Variants in HRH2 observed in about 807,000 individuals in gnomAD.
HRH2 encodes histamine H2 receptor.
In HRH2, 4 loss-of-function variants were observed where a neutral mutation model predicts 20.1. That is an observed-to-expected ratio of 0.20 (90% CI 0.10 to 0.45). The LOEUF (loss-of-function observed/expected upper bound fraction) is 0.45, where lower values mean the gene tolerates loss of function less well. Among genes scored for constraint, HRH2 ranks in the 20% least tolerant of loss-of-function variants. HRH2 has a pLI of 0.99. For synonymous variants in HRH2, 197 were observed against 200.7 expected (o/e 0.98, Z 0.16); for missense variants, 250 against 461.6 (o/e 0.54, Z 4.20).
At chr5:175,699,115 C>T (rs1756710060) in intron 2 of HRH2, among the ~76,000 whole-genome samples, 1 of 152,066 alleles carries the variant, frequency 6.6e-6, no homozygotes, top group Admixed American at 6.6e-5. Flanking sequence ...GGGAGAAGGC[C>T]GTGAGAAAAG....
At position 175,683,626 on chromosome 5, in the gene HRH2, C is replaced by A. The variant is rs759105611; in HGVS notation, c.393C>A (p.Thr131=). 2.4e-5 allele frequency: 38 copies of A among 1,614,190 alleles called. No homozygotes were observed. In the South Asian group the frequency reaches 4.0e-4, roughly 17 times the overall value. The change falls in exon 2 of 3, where the codon ACC becomes ACA. Residue 131 remains threonine, a synonymous_variant. Transcript: ENST00000636584. ...CACTGCGGTACCCTGTGCTGGTCAC[C>A]CCAGTTCGGGTCGCCATCTCTCTGG... ...MDPLRYPVLV[T]PVRVAISLVL...
At chr5:175,684,541 G>A (rs975308535) in intron 2 of HRH2, among the ~76,000 whole-genome samples, 4 of 152,244 alleles carry the variant, frequency 2.6e-5, no homozygotes, top group South Asian at 2.1e-4. Context: ...GGCAAGGGCC[G>A]CACAGCTGGG....
chr5:175,664,103 A>C (rs1762819154), intron 1 of HRH2, among the ~76,000 whole-genome samples: 2 of 152,212 alleles, frequency 1.3e-5, no homozygotes. Flanking sequence ...GACAGTCTGC[A>C]GGAGCGTGTG....
rs146208955 is a variant in HRH2, at chr5:175,677,158, C to T, written c.-525-5551C>T. ...TACAGGCGTGCACAACTATGCCCAG[C>T]TAATTTTTAAACTTTTTGTAGATAT... On this transcript the variant is annotated intron_variant, in intron 1 of 2. Coordinates refer to ENST00000636584, the MANE Select transcript of HRH2 (RefSeq NM_001367711.1). The surrounding 1 kb of genome is among the most constrained non-coding windows in gnomAD (Gnocchi z 4.2). 7.7e-3 allele frequency among the ~76,000 whole-genome samples: 1,168 copies of T among 152,192 alleles called. 16 individuals carry two copies. The highest frequency in any genetic ancestry group is 0.027 in the African/African-American group (1,111 of 41,500).
intron 2 of HRH2, among the ~76,000 whole-genome samples, chr5:175,691,559 G>T (rs1245435661): frequency 6.6e-6 from 1 of 152,136 alleles, no homozygotes; most frequent in African/African-American, 2.4e-5. Flanking sequence ...ATGACTTTGG[G>T]GCCACTGCTA....
intron 2 of HRH2, chr5:175,685,648 TC>T: frequency 1.5e-6 from 1 of 650,910 alleles, no homozygotes; most frequent in Non-Finnish European, 2.8e-6. Flanking sequence ...AGCAAGTTCC[TC>T]CCCATCTCAG....
Position 175,677,969 on chromosome 5 carries a change from TTC to T in HRH2, c.-525-4734_-525-4733del, listed in dbSNP as rs1188197508. 7.9e-5 allele frequency among the ~76,000 whole-genome samples: 12 copies of T among 152,238 alleles called. No individual in the cohort carries two copies. The highest frequency in any genetic ancestry group is 7.8e-4 in the Admixed American group (12 of 15,294). ...CTCCTCCAAACGTTCACCGTGGCTG[TTC>T]TCTCTGGAATCAGCTGGTCCCATGT... is the stretch of plus-strand genomic sequence containing the variant. On this transcript the variant is annotated intron_variant, in intron 1 of 2. Coordinates refer to ENST00000636584, the MANE Select transcript of HRH2 (RefSeq NM_001367711.1). The surrounding 1 kb of genome is among the most constrained non-coding windows in gnomAD (Gnocchi z 4.2).
intron 2 of HRH2, among the ~76,000 whole-genome samples, chr5:175,705,230 C>G (rs759075688): frequency 8.6e-5 from 13 of 152,038 alleles, no homozygotes; most frequent in Non-Finnish European, 1.5e-4. Context: ...CAGGAATAGC[C>G]AAGTCTTTTC....
At chr5:175,706,888 G>C (rs557138520) in intron 2 of HRH2, among the ~76,000 whole-genome samples, 1 of 152,322 alleles carries the variant, frequency 6.6e-6, no homozygotes, top group South Asian at 2.1e-4. Context: ...ATGTGGAAGG[G>C]GGAGGGAGCA....
In HRH2 at chr5:175,693,100, T is replaced by A. The variant is rs180781224; in HGVS notation, c.1076+8791T>A. On this transcript the variant is annotated intron_variant, in intron 2 of 2. Transcript: ENST00000636584. The surrounding 1 kb of genome is among the most constrained non-coding windows in gnomAD (Gnocchi z 4.4). ...TGAGCTTGGAGAGATCGCATCCCTC[T>A]CTGAGTCCCAATTTCCCCATCTGTA... is the stretch of plus-strand genomic sequence containing the variant. Among the ~76,000 whole-genome samples, 23 of 152,324 alleles carry A rather than the reference T, an allele frequency of 1.5e-4. No individual in the cohort carries two copies. In the East Asian group the frequency reaches 4.2e-3, roughly 28 times the overall value.
chr5:175,701,925 C>G (rs930573244), intron 2 of HRH2, among the ~76,000 whole-genome samples: 1 of 152,168 alleles, frequency 6.6e-6, no homozygotes, highest in Admixed American at 6.5e-5. Flanking sequence ...AAAGACGGGC[C>G]GTGGGACCGT....
At chr5:175,696,398 C>A (rs1271836056) in intron 2 of HRH2, among the ~76,000 whole-genome samples, 5 of 152,088 alleles carry the variant, frequency 3.3e-5, no homozygotes. Flanking sequence ...GGGAGCCCCC[C>A]ACTTTGCCGT....
chr5:175,685,536 G>C, intron 2 of HRH2: 2 of 1,475,324 alleles, frequency 1.4e-6, no homozygotes, highest in Non-Finnish European at 1.9e-6. Flanking sequence ...ATGAATACTG[G>C]GGATGTAGAA....
intron 1 of HRH2, among the ~76,000 whole-genome samples, chr5:175,675,124 C>T (rs866901316): frequency 9.4e-4 from 143 of 152,262 alleles, no homozygotes; most frequent in African/African-American, 3.3e-3. Flanking sequence ...TAAGCCTCAG[C>T]GTCTGTGTTT....
intron 1 of HRH2, among the ~76,000 whole-genome samples, chr5:175,667,503 A>C (rs895133098): frequency 3.4e-5 from 5 of 147,156 alleles, no homozygotes; most frequent in African/African-American, 1.3e-4. Flanking sequence ...AAGAAGACAA[A>C]ATAACCAGTA....
chr5:175,676,139 G>C, intron 1 of HRH2, among the ~76,000 whole-genome samples: 1 of 152,214 alleles, frequency 6.6e-6, no homozygotes, highest in Admixed American at 6.5e-5. Flanking sequence ...ACACTTCCCA[G>C]ACTTTGCCTA....
Position 175,681,723 on chromosome 5 carries a change from G to A in HRH2, c.-525-986G>A, listed in dbSNP as rs145353240. Among the ~76,000 whole-genome samples the A allele has an allele frequency of 3.0e-3, 460 of 152,320 alleles. 2 individuals carry two copies. Among genetic ancestry groups the A allele is most frequent in the African/African-American group, 9.6e-3 (400 of 41,570 alleles). ...GGAAGGAGAAACCACCCTAATGCCC[G>A]TGAGAGGGTGATGTGGGGATGATAG... On this transcript the variant is annotated intron_variant, in intron 1 of 2. Transcript: ENST00000636584. The surrounding 1 kb of genome is among the most constrained non-coding windows in gnomAD (Gnocchi z 4.3).
At chr5:175,704,313 A>G (rs2113563911) in intron 2 of HRH2, among the ~76,000 whole-genome samples, 1 of 152,304 alleles carries the variant, frequency 6.6e-6, no homozygotes, top group South Asian at 2.1e-4. Context: ...ATACAGAAAT[A>G]GAAGGTTGCT....
At chr5:175,697,591 G>A (rs1384319123) in intron 2 of HRH2, among the ~76,000 whole-genome samples, 1 of 152,000 alleles carries the variant, frequency 6.6e-6, no homozygotes, top group Admixed American at 6.6e-5. Context: ...TTCCCCCGCT[G>A]GGGTATTCAC....
Sources: allele counts gnomAD v4.1 joint callset (sites outside exome capture counted in the v4.1 genomes callset), GRCh38; gene constraint gnomAD v4.1.1; non-coding constraint Gnocchi (gnomAD v3.1); transcripts MANE v1.5; gene names NCBI Gene and HGNC (gene_info 2026-07-23, HGNC 2026-07-21).